SH3YL1: variants seen among roughly 807,000 people sequenced by gnomAD.
SH3YL1 encodes the protein SH3 domain-containing YSC84-like protein 1.
A neutral mutation model predicts 45.8 loss-of-function variants in SH3YL1; 41 were observed. That is an observed-to-expected ratio of 0.89 (90% CI 0.70 to 1.16). The LOEUF (loss-of-function observed/expected upper bound fraction) is 1.16. Ranked by LOEUF, SH3YL1 falls within the 50% of genes most tolerant of loss-of-function variation. The pLI, the probability that SH3YL1 is intolerant of heterozygous loss-of-function variation, is 0.00. For synonymous variants in SH3YL1, 152 were observed against 151.4 expected (o/e 1.00, Z -0.03); for missense variants, 389 against 409.6 (o/e 0.95, Z 0.43).
At chr2:222,736 G>A (rs1019075400) in intron 9 of SH3YL1, 2 of 152,230 alleles carry the variant, frequency 1.3e-5, no homozygotes, top group African/African-American at 4.8e-5. Flanking sequence ...AAAGATGGTG[G>A]GAGGAAAGTA....
intron 1 of SH3YL1, chr2:260,990 G>C (rs1669566882): frequency 6.6e-6 from 1 of 152,204 alleles, no homozygotes; most frequent in Admixed American, 6.5e-5. Context: ...CACAGCTTAT[G>C]TCACTGTGAT....
intron 6 of SH3YL1, among the ~76,000 whole-genome samples, chr2:232,593 G>A (rs1268237305): frequency 6.7e-6 from 1 of 150,104 alleles, no homozygotes; most frequent in Non-Finnish European, 1.5e-5. Context: ...CCTTCCCCCA[G>A]CCCCCAACCC....
chr2:247,493 CTT>C, intron 4 of SH3YL1, 43 bp downstream of exon 4: 1 of 1,477,376 alleles, frequency 6.8e-7, no homozygotes, highest in Non-Finnish European at 9.2e-7. Context: ...TCTTAGGTGT[CTT>C]CAGAGGATAT....
chr2:234,397 C>T (rs1485948540), intron 4 of SH3YL1, 125 bp from the exon 5 acceptor site: 14 of 641,672 alleles, frequency 2.2e-5, no homozygotes, highest in East Asian at 5.9e-5. Flanking sequence ...CAGGAAAGAA[C>T]GTGAGACAAG....
chr2:244,638 G>A (rs1668709905), intron 4 of SH3YL1: 1 of 152,146 alleles, frequency 6.6e-6, no homozygotes, highest in Admixed American at 6.5e-5. Flanking sequence ...GATTACGTGT[G>A]TGCCATCTAT....
intron 8 of SH3YL1, among the ~76,000 whole-genome samples, chr2:228,330 G>C (rs953315674): frequency 2.6e-5 from 4 of 152,212 alleles, no homozygotes; most frequent in African/African-American, 9.6e-5. Flanking sequence ...CACAGGCAAA[G>C]GGCCTGTTTT....
At chr2:239,039 G>A (rs1668428301) in intron 4 of SH3YL1, among the ~76,000 whole-genome samples, 1 of 152,184 alleles carries the variant, frequency 6.6e-6, no homozygotes, top group Non-Finnish European at 1.5e-5. Flanking sequence ...CTGGAAGAAT[G>A]AGTCTGACAT....
At chr2:255,029 C>T (rs1669254533) in intron 1 of SH3YL1, among the ~76,000 whole-genome samples, 1 of 152,144 alleles carries the variant, frequency 6.6e-6, no homozygotes, top group Admixed American at 6.5e-5. Flanking sequence ...CTCATGTCTC[C>T]CTAAAATTTA....
At chr2:253,749 A>G (rs1367554084) in intron 1 of SH3YL1, among the ~76,000 whole-genome samples, 4 of 152,162 alleles carry the variant, frequency 2.6e-5, no homozygotes, top group Non-Finnish European at 5.9e-5. Flanking sequence ...CTTTTACTTT[A>G]TGGACTTGCC....
intron 1 of SH3YL1, among the ~76,000 whole-genome samples, chr2:253,932 G>C (rs1669193051): frequency 6.6e-6 from 1 of 152,050 alleles, no homozygotes; most frequent in African/African-American, 2.4e-5. Flanking sequence ...TCTATGCTGA[G>C]AGTCAGAAAC....
intron 1 of SH3YL1, among the ~76,000 whole-genome samples, chr2:254,159 G>C (rs1558252055): frequency 6.6e-6 from 1 of 152,130 alleles, no homozygotes; most frequent in East Asian, 1.9e-4. Context: ...AAAAATGTTG[G>C]AACTGGCTGC....
chr2:261,175 C>T (rs549573708), intron 1 of SH3YL1: 7 of 152,342 alleles, frequency 4.6e-5, no homozygotes, highest in Admixed American at 3.3e-4. Flanking sequence ...TAGACATAAG[C>T]CTCAAATCCC....
At chr2:264,083 C>T, upstream of SH3YL1, 2 of 1,343,676 alleles carry the variant, frequency 1.5e-6, no homozygotes, top group East Asian at 3.1e-5. Flanking sequence ...CGAGGGCGTA[C>T]CTGCGGCAGG....
Position 231,272 on chromosome 2 carries a change from G to A in SH3YL1, c.534-81C>T, listed in dbSNP as rs533936729. 39 of 1,056,692 alleles carry A rather than the reference G, an allele frequency of 3.7e-5. 1 individual carries two copies. The highest frequency in any genetic ancestry group is 3.0e-4 in the South Asian group (19 of 63,180). 65.5% of individuals were successfully genotyped at this position (1,056,692 alleles called of 1,614,324 possible). On this transcript the variant is annotated intron_variant, in intron 6 of 9. Coordinates refer to ENST00000356150, the MANE Select transcript of SH3YL1 (RefSeq NM_015677.4). ...TTAAACATAGCATGTGCGCACACACGGTGTGTATATATAATCATTCATACA... is the reference window on the plus strand; with the variant it reads ...TTAAACATAGCATGTGCGCACACACAGTGTGTATATATAATCATTCATACA...
At chr2:231,277 GTATA>G (rs1572149101) in intron 6 of SH3YL1, 86 bp from the exon 7 acceptor site, 19 of 1,012,470 alleles carry the variant, frequency 1.9e-5, no homozygotes, top group South Asian at 8.2e-5. Flanking sequence ...CACACGGTGT[GTATA>G]TATAATCATT....
At chr2:254,832 G>A (rs1233309801) in intron 1 of SH3YL1, among the ~76,000 whole-genome samples, 1 of 152,120 alleles carries the variant, frequency 6.6e-6, no homozygotes, top group Non-Finnish European at 1.5e-5. Context: ...TGTTTCCTTT[G>A]CCCTGTTGTT....
chr2:220,631 G>C (rs1258734135), intron 9 of SH3YL1, among the ~76,000 whole-genome samples: 1 of 152,210 alleles, frequency 6.6e-6, no homozygotes, highest in Non-Finnish European at 1.5e-5. Flanking sequence ...TGCCCTGGGT[G>C]GGGTACCGGG....
In SH3YL1 at chr2:253,064, T is replaced by C. The variant is rs1424208927; in HGVS notation, c.53A>G (p.Lys18Arg). 3.9e-6 allele frequency: 6 copies of C among 1,550,490 alleles called. No homozygotes were observed. The highest frequency in any genetic ancestry group is 2.4e-5 in the East Asian group (1 of 40,916). ...NLKSEAKKAA[K>R]ILREFTEITS... is the part of the protein sequence containing the mutation. ...TATTTCTGTGAATTCTCTTAATATTTTGGCAGCCTTTTTTGCTTCTGATTT... is the reference window on the plus strand; with the variant it reads ...TATTTCTGTGAATTCTCTTAATATTCTGGCAGCCTTTTTTGCTTCTGATTT... Residue 18 changes from lysine to arginine, a missense_variant, in exon 2 of 10, where the codon AAA (lysine) becomes AGA (arginine). By Grantham distance (26) the Lys-to-Arg change is conservative. Coordinates refer to ENST00000356150, the MANE Select transcript of SH3YL1 (RefSeq NM_015677.4).
At position 231,146 on chromosome 2, in the gene SH3YL1, A is replaced by G; in HGVS notation, c.579T>C (p.Asp193=). 6.2e-7 allele frequency: 1 copy of G among 1,613,954 alleles called. No individual in the cohort carries two copies. Among genetic ancestry groups the G allele is most frequent in the Non-Finnish European group, 8.5e-7 (1 of 1,179,878 alleles). Residue 193 remains aspartate, a synonymous_variant, in exon 7 of 10, where the codon GAT becomes GAC. Coordinates refer to ENST00000356150, the MANE Select transcript of SH3YL1 (RefSeq NM_015677.4). ...DIRAYDILFG[D]TPRPAQAEDL... ...CTTCGGCTTGAGCAGGCCGCGGTGT[A>G]TCTCCAAATAAAATGTCATAAGCTC...
Sources: allele counts gnomAD v4.1 joint callset (sites outside exome capture counted in the v4.1 genomes callset), GRCh38; gene constraint gnomAD v4.1.1; transcripts MANE v1.5; gene names NCBI Gene and HGNC (gene_info 2026-07-23, HGNC 2026-07-21).